UBR1: variants seen among roughly 807,000 people sequenced by gnomAD.
The protein encoded by UBR1 is ubiquitin protein ligase E3 component n-recognin 1.
UBR1 carries 102 observed loss-of-function variants against 242.1 expected under a neutral mutation model. The observed-to-expected ratio is 0.42, with a 90% CI of 0.36 to 0.50. UBR1 has a LOEUF of 0.50. UBR1 is among the 20% of genes least tolerant of loss of function. UBR1 has a pLI of 0.01. For synonymous variants in UBR1, 675 were observed against 684.8 expected (o/e 0.99, Z 0.22); for missense variants, 1,772 against 2,101.8 (o/e 0.84, Z 3.07).
chr15:42,949,736 T>TTGCA (rs1222670400), intron 46 of UBR1, among the ~76,000 whole-genome samples: 2 of 150,364 alleles, frequency 1.3e-5, no homozygotes, highest in Non-Finnish European at 3.0e-5. Context: ...GAGGCAGAGG[T>TTGCA]TGCAGTGAGC....
At chr15:43,093,051 A>G (rs1303577376) in intron 1 of UBR1, among the ~76,000 whole-genome samples, 1 of 152,222 alleles carries the variant, frequency 6.6e-6, no homozygotes, top group Non-Finnish European at 1.5e-5. Flanking sequence ...AAAAAAAATA[A>G]CTGTTTGAAA....
Position 42,984,957 on chromosome 15 carries a change from A to C in UBR1, c.3998-15T>G, listed in dbSNP as rs761468168. ...CAATAGATTTTCTCAAAGAATAAAA[A>C]AAAATAAAAATAATAAATCCTGAAT... On this transcript the variant is annotated splice_polypyrimidine_tract_variant and intron_variant, in intron 35 of 46. Coordinates refer to ENST00000290650, the MANE Select transcript of UBR1 (RefSeq NM_174916.3). 1.3e-6 allele frequency: 2 copies of C among 1,566,554 alleles called. No individual in the cohort carries two copies. The highest frequency in any genetic ancestry group is 1.8e-6 in the Non-Finnish European group (2 of 1,139,956).
intron 4 of UBR1, among the ~76,000 whole-genome samples, chr15:43,072,810 T>A (rs184246635): frequency 1.3e-5 from 2 of 152,348 alleles, no homozygotes; most frequent in Non-Finnish European, 2.9e-5. Context: ...ATATGGTGTA[T>A]TACATTGATT....
At chr15:42,962,884 G>C (rs1296216382) in intron 42 of UBR1, among the ~76,000 whole-genome samples, 1 of 152,146 alleles carries the variant, frequency 6.6e-6, no homozygotes, top group East Asian at 1.9e-4. Context: ...TGACAAGGTA[G>C]ACTGGGAAAT....
At chr15:43,094,343 C>A (rs935901012) in intron 1 of UBR1, among the ~76,000 whole-genome samples, 1 of 151,842 alleles carries the variant, frequency 6.6e-6, no homozygotes, top group African/African-American at 2.4e-5. Flanking sequence ...GCAGGAGAAT[C>A]GCTTGAACCT....
chr15:42,952,283 G>A lies in UBR1; in HGVS notation c.5001C>T (p.Phe1667=), dbSNP rs200935129. 1.9e-6 allele frequency: 3 copies of A among 1,614,050 alleles called. No homozygotes were observed. Among genetic ancestry groups the A allele is most frequent in the African/African-American group, 2.7e-5 (2 of 75,006 alleles). Residue 1667 remains phenylalanine, a synonymous_variant, in exon 45 of 47, where the codon TTC becomes TTT. Transcript: ENST00000290650. ...CCAGAACACTCACTACTCACTTTAGGAAAATGCAGACTCCGGCTCCACAGT... is the reference window on the plus strand; with the variant it reads ...CCAGAACACTCACTACTCACTTTAGAAAAATGCAGACTCCGGCTCCACAGT... ...ALHCGAGVCI[F]LKIRECRVVL...
intron 1 of UBR1, among the ~76,000 whole-genome samples, chr15:43,102,234 T>G (rs2034246325): frequency 1.3e-5 from 2 of 152,200 alleles, no homozygotes; most frequent in Non-Finnish European, 2.9e-5. Flanking sequence ...TTCTAAAATC[T>G]TTCTCACATT....
At chr15:43,100,143 G>A in intron 1 of UBR1, among the ~76,000 whole-genome samples, 1 of 152,022 alleles carries the variant, frequency 6.6e-6, no homozygotes, top group East Asian at 1.9e-4. Context: ...CCAAAGTGCT[G>A]GGATTACAGG....
intron 25 of UBR1, among the ~76,000 whole-genome samples, chr15:43,024,163 A>G (rs2033148049): frequency 5.3e-5 from 8 of 152,220 alleles, no homozygotes; most frequent in Admixed American, 3.3e-4. Context: ...TTTGAAATTT[A>G]CTAGTGAATG....
intron 5 of UBR1, among the ~76,000 whole-genome samples, chr15:43,069,009 T>C (rs912651835): frequency 2.6e-5 from 4 of 152,348 alleles, no homozygotes; most frequent in Non-Finnish European, 4.4e-5. Flanking sequence ...TTAGTTGTTA[T>C]TGAATTTATT....
chr15:43,059,705 A>C lies in UBR1; in HGVS notation c.982T>G (p.Ser328Ala). 6.2e-7 allele frequency: 1 copy of C among 1,614,096 alleles called. No homozygotes were observed. ...GSWMNKIMSY[S>A]SDFRQIFCQA... The stretch of plus-strand genomic sequence containing the variant: ...GAAAAACAGGAGGTATGCTTACTTG[A>C]ATAGCTCATAATTTTGTTCATCCAG... Residue 328 changes from serine (S) to alanine (A), a missense_variant, in exon 8 of 47, where the codon TCA (serine) becomes GCA (alanine). By Grantham distance (99) the Ser-to-Ala change is moderately conservative. Coordinates refer to ENST00000290650, the MANE Select transcript of UBR1 (RefSeq NM_174916.3).
intron 32 of UBR1, among the ~76,000 whole-genome samples, chr15:43,001,039 G>A (rs1674651133): frequency 6.6e-6 from 1 of 152,030 alleles, no homozygotes; most frequent in African/African-American, 2.4e-5. Context: ...TTGCCATATT[G>A]GCCAGGCTGG....
Position 42,945,253 on chromosome 15 carries a change from C to A in UBR1, c.*76G>T. ...GACCCTCCAATACTTTCCCAGCCCT[C>A]AGAAAGTTTTCCATAATTTTGAATC... On this transcript the variant is annotated 3_prime_UTR_variant, in exon 47 of 47. Coordinates refer to ENST00000290650, the MANE Select transcript of UBR1 (RefSeq NM_174916.3). 6.2e-7 allele frequency: 1 copy of A among 1,604,578 alleles called. No individual in the cohort carries two copies. Among genetic ancestry groups the A allele is most frequent in the Non-Finnish European group, 8.5e-7 (1 of 1,172,802 alleles).
At chr15:42,990,315 A>C (rs2032535249) in intron 33 of UBR1, among the ~76,000 whole-genome samples, 195 bp from the exon 34 acceptor site, 1 of 152,148 alleles carries the variant, frequency 6.6e-6, no homozygotes, top group South Asian at 2.1e-4. Context: ...AAGTGACTAC[A>C]GGCATGTGCC....
chr15:43,068,618 G>GGGTTT (rs1390776442), intron 5 of UBR1, among the ~76,000 whole-genome samples: 1 of 150,710 alleles, frequency 6.6e-6, no homozygotes, highest in Non-Finnish European at 1.5e-5. Context: ...GTATGTTTTT[G>GGGTTT]GGTTTTGTTT....
chr15:43,010,372 C>T (rs2032904183), intron 29 of UBR1, among the ~76,000 whole-genome samples: 1 of 150,308 alleles, frequency 6.7e-6, no homozygotes, highest in African/African-American at 2.4e-5. Flanking sequence ...AAACGCTGAG[C>T]TTGTTTTGTA....
Position 43,002,648 on chromosome 15 carries a change from T to C in UBR1, c.3566A>G (p.Asp1189Gly), listed in dbSNP as rs759938108. 6.2e-7 allele frequency: 1 copy of C among 1,614,164 alleles called. No homozygotes were observed. The highest frequency in any genetic ancestry group is 1.1e-5 in the South Asian group (1 of 91,084). ...SQQRIHVDLF[D>G]LESGEYLCPL... ...GCAAAGATATTCTCCACTTTCCAAG[T>C]CAAAAAGGTCAACATGAATGCGCTG... The change falls in exon 32 of 47, where the codon GAC becomes GGC. Residue 1189 changes from aspartate (D) to glycine (G), a missense_variant. By Grantham distance (94) the Asp-to-Gly change is moderately conservative (BLOSUM62 -1). Around this residue, in one of 3 missense-constraint regions of UBR1, gnomAD observed 965 missense variants for 1,079.7 expected, o/e 0.89. Transcript: ENST00000290650.
chr15:43,058,261 A>C, intron 10 of UBR1, 80 bp downstream of exon 10: 2 of 985,244 alleles, frequency 2.0e-6, no homozygotes, highest in Non-Finnish European at 3.1e-6. Flanking sequence ...TTTTTGATTC[A>C]TAATTATCCC....
chr15:43,065,525 C>G (rs1386060132), intron 6 of UBR1, among the ~76,000 whole-genome samples: 2 of 152,180 alleles, frequency 1.3e-5, no homozygotes, highest in African/African-American at 4.8e-5. Flanking sequence ...ACACCCCCGA[C>G]AGGCCCCAGA....
Sources: gnomAD v4.1 joint callset for allele counts (sites outside exome capture counted in the v4.1 genomes callset) on GRCh38, gnomAD v4.1.1 for gene constraint, gnomAD v4.1.1 regional missense constraint, MANE v1.5 for transcripts, NCBI Gene and HGNC (gene_info 2026-07-23, HGNC 2026-07-21) for gene names.